LDLRAD4: variants seen among roughly 807,000 people sequenced by gnomAD.
LDLRAD4 encodes low-density lipoprotein receptor class A domain-containing protein 4.
In LDLRAD4, 5 loss-of-function variants were observed where a neutral mutation model predicts 17.0. That is an observed-to-expected ratio of 0.29 (90% CI 0.15 to 0.62). LDLRAD4 has a LOEUF of 0.62. LDLRAD4 is among the 20% of genes least tolerant of loss of function. The pLI, the probability that LDLRAD4 is intolerant of heterozygous loss-of-function variation, is 0.84. For missense variants in LDLRAD4, 340 were observed against 424.7 expected (o/e 0.80, Z 1.75); for synonymous variants, 168 against 171.8 (o/e 0.98, Z 0.17).
intron 3 of LDLRAD4, among the ~76,000 whole-genome samples, chr18:13,553,145 T>C (rs749582168): frequency 3.3e-5 from 5 of 152,196 alleles, no homozygotes; most frequent in Non-Finnish European, 1.5e-5. Context: ...GAGTGGGAAA[T>C]AGATGGAAAT....
intron 4 of LDLRAD4, among the ~76,000 whole-genome samples, chr18:13,640,397 A>G (rs187443193): frequency 6.6e-5 from 10 of 152,148 alleles, no homozygotes; most frequent in African/African-American, 2.4e-4. Flanking sequence ...ACATTCCTGC[A>G]AAAAACAAAA....
At chr18:13,609,603 C>T (rs1459631497) in intron 3 of LDLRAD4, among the ~76,000 whole-genome samples, 1 of 151,946 alleles carries the variant, frequency 6.6e-6, no homozygotes, top group Non-Finnish European at 1.5e-5. Flanking sequence ...TTCATAAAGT[C>T]AAAAGTTTTG....
intron 2 of LDLRAD4, among the ~76,000 whole-genome samples, chr18:13,389,577 G>A (rs2086106019): frequency 6.6e-6 from 1 of 152,204 alleles, no homozygotes; most frequent in Non-Finnish European, 1.5e-5. Context: ...GACAAAAAGA[G>A]CCCGAGGAAA....
intron 3 of LDLRAD4, among the ~76,000 whole-genome samples, chr18:13,533,527 G>A (rs1432044226): frequency 6.6e-6 from 1 of 152,050 alleles, no homozygotes; most frequent in Non-Finnish European, 1.5e-5. Flanking sequence ...CAGTGTGCCT[G>A]GCAAGAATTT....
chr18:13,515,802 T>C (rs1215010405), intron 3 of LDLRAD4: 1 of 152,058 alleles, frequency 6.6e-6, no homozygotes, highest in East Asian at 1.9e-4. Context: ...ATTTTTTGTT[T>C]TGTTTCGTTT....
intron 3 of LDLRAD4, among the ~76,000 whole-genome samples, chr18:13,586,413 A>AAAAAAAAAAAAAAAAAAAAAAAAAAG: frequency 6.8e-6 from 1 of 146,830 alleles, no homozygotes; most frequent in Non-Finnish European, 1.5e-5. Flanking sequence ...TCTCAAAAAA[A>AAAAAAAAAAAAAAAAAAAAAAAAAAG]AAAAAAAAGA....
intron 3 of LDLRAD4, among the ~76,000 whole-genome samples, chr18:13,560,250 C>A (rs1395607214): frequency 2.0e-5 from 3 of 152,200 alleles, no homozygotes; most frequent in African/African-American, 7.2e-5. Context: ...CTCAAAACAC[C>A]CCAGGTGAGA....
intron 3 of LDLRAD4, among the ~76,000 whole-genome samples, chr18:13,553,733 G>T (rs996603024): frequency 7.9e-5 from 12 of 152,080 alleles, no homozygotes; most frequent in African/African-American, 2.9e-4. Context: ...TCTGTCCTTC[G>T]CATGGAAACA....
At chr18:13,518,679 C>T (rs1325155458) in intron 3 of LDLRAD4, among the ~76,000 whole-genome samples, 1 of 152,168 alleles carries the variant, frequency 6.6e-6, no homozygotes, top group Non-Finnish European at 1.5e-5. Flanking sequence ...AGGTGGGTTT[C>T]TCCAGGGGGT....
rs548746635 is a variant in LDLRAD4 at position 13,643,679 on chromosome 18, C to CT, written c.390+268dup. On this transcript the variant is annotated intron_variant, in intron 5 of 5. Coordinates refer to ENST00000359446, the Ensembl canonical transcript of LDLRAD4. ...CTTTACATGATCCCGTAAGCTTCTACTAATGTGCCTTGGCAAGTGGGCATG... is the reference window on the plus strand; with the variant it reads ...CTTTACATGATCCCGTAAGCTTCTACTTAATGTGCCTTGGCAAGTGGGCATG... Among the ~76,000 whole-genome samples the CT allele has an allele frequency of 2.9e-3, 447 of 152,354 alleles. 3 individuals are homozygous for CT. The highest frequency in any genetic ancestry group is 0.01 in the African/African-American group (417 of 41,586).
At chr18:13,567,292 TC>T (rs2094617193) in intron 3 of LDLRAD4, among the ~76,000 whole-genome samples, 1 of 152,232 alleles carries the variant, frequency 6.6e-6, no homozygotes, top group African/African-American at 2.4e-5. Flanking sequence ...GTCTTCCTAA[TC>T]TAACAGTGTC....
chr18:13,528,317 A>G (rs1389202088), intron 3 of LDLRAD4, among the ~76,000 whole-genome samples: 2 of 152,124 alleles, frequency 1.3e-5, no homozygotes, highest in African/African-American at 4.8e-5. Context: ...CACCATTATT[A>G]CTATTATTAT....
intron 1 of LDLRAD4, among the ~76,000 whole-genome samples, chr18:13,320,980 A>T (rs1472476640): frequency 6.6e-6 from 1 of 152,212 alleles, no homozygotes; most frequent in Non-Finnish European, 1.5e-5. Context: ...ATTGGAGGCC[A>T]GGCATGAATG....
At chr18:13,556,230 C>CT (rs1480699062) in intron 3 of LDLRAD4, among the ~76,000 whole-genome samples, 1 of 152,126 alleles carries the variant, frequency 6.6e-6, no homozygotes, top group Non-Finnish European at 1.5e-5. Context: ...GAGTGGGGAA[C>CT]TTTTTTTGGT....
Position 13,645,310 on chromosome 18 carries a change from C to T in LDLRAD4, c.574C>T (p.Arg192Trp), listed in dbSNP as rs1324351524. The T allele has an allele frequency of 9.3e-6, 15 of 1,614,062 alleles. No homozygotes were observed. The highest frequency in any genetic ancestry group is 2.2e-5 in the East Asian group (1 of 44,888). Residue 192 changes from arginine (R) to tryptophan (W), a missense_variant, in exon 6 of 6, where the codon CGG (arginine) becomes TGG (tryptophan). By Grantham distance (101) the Arg-to-Trp change is moderately radical. Coordinates refer to ENST00000359446, the Ensembl canonical transcript of LDLRAD4. The surrounding 1 kb of genome is among the most constrained non-coding windows in gnomAD (Gnocchi z 5.7). ...CCAGGGGCCCTGCACCCTGCAGCTCCGGGACCCTGAACAGCAGATGGAACT... is the reference window on the plus strand; with the variant it reads ...CCAGGGGCCCTGCACCCTGCAGCTCTGGGACCCTGAACAGCAGATGGAACT...
At chr18:13,512,712 C>T (rs866700611) in intron 3 of LDLRAD4, among the ~76,000 whole-genome samples, 1 of 152,190 alleles carries the variant, frequency 6.6e-6, no homozygotes. Context: ...CTCCTCCCTC[C>T]TCTAACTCTA....
intron 1 of LDLRAD4, among the ~76,000 whole-genome samples, chr18:13,383,362 C>A (rs564439741): frequency 6.6e-6 from 1 of 152,308 alleles, no homozygotes; most frequent in Admixed American, 6.5e-5. Context: ...AATCAGGACA[C>A]CCGTGTGGAG....
At chr18:13,468,206 C>T (rs1295713346) in intron 3 of LDLRAD4, among the ~76,000 whole-genome samples, 1 of 152,038 alleles carries the variant, frequency 6.6e-6, no homozygotes, top group Non-Finnish European at 1.5e-5. Context: ...AAAAGACATC[C>T]TACAAAATGG....
At chr18:13,605,392 A>AT (rs1367468994) in intron 3 of LDLRAD4, among the ~76,000 whole-genome samples, 2 of 151,984 alleles carry the variant, frequency 1.3e-5, no homozygotes, top group Non-Finnish European at 2.9e-5. Flanking sequence ...TAATTTTTAA[A>AT]TTTTTTTTGA....
Sources: gnomAD v4.1 joint callset for allele counts (sites outside exome capture counted in the v4.1 genomes callset) on GRCh38, gnomAD v4.1.1 for gene constraint, Gnocchi (gnomAD v3.1) non-coding constraint, MANE v1.5 for transcripts, NCBI Gene and HGNC (gene_info 2026-07-23, HGNC 2026-07-21) for gene names.